ADAMDEC1: variants seen among roughly 807,000 people sequenced by gnomAD.
ADAMDEC1 encodes the protein ADAM like decysin 1.
In ADAMDEC1, 62 loss-of-function variants were observed where a neutral mutation model predicts 60.4. That is an observed-to-expected ratio of 1.03 (90% CI 0.84 to 1.27). The LOEUF is 1.27. Ranked by LOEUF, ADAMDEC1 falls within the 50% of genes most tolerant of loss-of-function variation. The pLI, the probability that ADAMDEC1 is intolerant of heterozygous loss-of-function variation, is 0.00. For missense variants in ADAMDEC1, 595 were observed against 565.0 expected (o/e 1.05, Z -0.54); for synonymous variants, 210 against 195.1 (o/e 1.08, Z -0.64).
Position 24,393,354 on chromosome 8 carries a change from T to A in ADAMDEC1, c.284+16T>A, listed in dbSNP as rs746468939. The A allele has an allele frequency of 6.5e-7, 1 of 1,527,070 alleles. No individual in the cohort carries two copies. Among genetic ancestry groups the A allele is most frequent in the Non-Finnish European group, 9.0e-7 (1 of 1,110,322 alleles). 94.6% of individuals were successfully genotyped at this position (1,527,070 alleles called of 1,614,324 possible). On this transcript the variant is annotated intron_variant, in intron 3 of 13. Coordinates refer to ENST00000256412, the MANE Select transcript of ADAMDEC1 (RefSeq NM_014479.3). ...AAAAAACCAAGTAAGTTGTACCTCC[T>A]AAAAGTCTAATCACTGGATTAGGTT...
At chr8:24,398,199 CAT>C (rs778808851) in intron 7 of ADAMDEC1, among the ~76,000 whole-genome samples, 12 of 151,828 alleles carry the variant, frequency 7.9e-5, no homozygotes, top group Non-Finnish European at 1.2e-4. Context: ...ATTTTAATCA[CAT>C]GATTCGGTTT....
chr8:24,384,413 T>G lies in ADAMDEC1; in HGVS notation c.-92T>G. On this transcript the variant is annotated 5_prime_UTR_variant, in exon 1 of 14. Coordinates refer to ENST00000256412, the MANE Select transcript of ADAMDEC1 (RefSeq NM_014479.3). ...CACTCTTAAGAAACATTCCCCAATC[T>G]CACACGAAAAGTGGGGGTTTTAATT... is the stretch of plus-strand genomic sequence containing the variant. 9.6e-7 allele frequency: 1 copy of G among 1,044,396 alleles called. No homozygotes were observed. 64.7% of individuals were successfully genotyped at this position (1,044,396 alleles called of 1,614,324 possible).
At chr8:24,389,263 C>G (rs888833400) in intron 1 of ADAMDEC1, among the ~76,000 whole-genome samples, 1 of 152,090 alleles carries the variant, frequency 6.6e-6, no homozygotes, top group Admixed American at 6.6e-5. Context: ...CTTCCTTCAC[C>G]TTTCCTCAAG....
At chr8:24,403,952 T>G in intron 12 of ADAMDEC1, 51 bp from the exon 13 acceptor site, 1 of 1,485,774 alleles carries the variant, frequency 6.7e-7, no homozygotes. Flanking sequence ...ACCTAGTCTA[T>G]GGGAAGAAAA....
intron 10 of ADAMDEC1, 97 bp from the exon 11 acceptor site, chr8:24,400,073 A>G: frequency 9.9e-7 from 1 of 1,007,198 alleles, no homozygotes; most frequent in East Asian, 2.7e-5. Flanking sequence ...GGAGCTAACA[A>G]TTCACTAGTT....
intron 2 of ADAMDEC1, among the ~76,000 whole-genome samples, chr8:24,392,656 G>C (rs983699405): frequency 8.5e-5 from 13 of 152,114 alleles, no homozygotes; most frequent in South Asian, 4.1e-4. Context: ...GCCCGGGAAG[G>C]TCGGCCATCT....
rs187537865 is a variant in ADAMDEC1, at chr8:24,397,327, C to T, written c.498C>T (p.Asp166=). The T allele has an allele frequency of 1.1e-4, 182 of 1,614,000 alleles. 1 individual carries two copies. The East Asian group carries it at 3.3e-3, about 29-fold the overall frequency. ...AGATAAAACCTCTGAAAAGCACAGA[C>T]GAGAAAGAACATGCCGTCTTTACAT... ...RYQIKPLKST[D]EKEHAVFTSN... Residue 166 remains aspartate, a synonymous_variant, in exon 6 of 14, where the codon GAC becomes GAT. Coordinates refer to ENST00000256412, the MANE Select transcript of ADAMDEC1 (RefSeq NM_014479.3).
chr8:24,400,651 ATT>A (rs1236670089), intron 11 of ADAMDEC1, among the ~76,000 whole-genome samples: 1 of 148,622 alleles, frequency 6.7e-6, no homozygotes, highest in East Asian at 2.0e-4. Context: ...ATATATATAT[ATT>A]ATACTTTAAG....
At chr8:24,399,260 T>C (rs1817697949) in intron 9 of ADAMDEC1, 133 bp from the exon 10 acceptor site, 11 of 1,053,718 alleles carry the variant, frequency 1.0e-5, no homozygotes, top group South Asian at 2.8e-5. Flanking sequence ...CACTAAGGAA[T>C]AGTAGAAGTT....
At chr8:24,396,364 T>C (rs573121682) in intron 5 of ADAMDEC1, among the ~76,000 whole-genome samples, 3 of 150,186 alleles carry the variant, frequency 2.0e-5, no homozygotes, top group Non-Finnish European at 4.4e-5. Flanking sequence ...CAAAAAAAAA[T>C]AGCCGAGTGT....
chr8:24,403,307 C>A (rs1038749864), intron 12 of ADAMDEC1, among the ~76,000 whole-genome samples: 9 of 151,444 alleles, frequency 5.9e-5, no homozygotes, highest in Non-Finnish European at 1.2e-4. Flanking sequence ...TTGAGTAATC[C>A]AATTTCTCAT....
intron 1 of ADAMDEC1, among the ~76,000 whole-genome samples, chr8:24,386,587 T>C (rs1484854961): frequency 1.3e-5 from 2 of 152,166 alleles, no homozygotes; most frequent in Non-Finnish European, 2.9e-5. Context: ...CTGACCTATC[T>C]GTGCTGGCTT....
rs1817460007 is a variant in ADAMDEC1, at chr8:24,392,126, TCA to T, written c.89-135_89-134del. 1.2e-4 allele frequency: 62 copies of T among 517,640 alleles called. 1 individual carries two copies. The South Asian group carries it at 2.5e-3, about 21-fold the overall frequency. The allele number at this position is 517,640 out of a possible 1,614,324, so 32.1% of individuals were successfully genotyped here. A position where few individuals can be genotyped will look rare whatever the true frequency, so the allele number is the denominator to read the frequency against. On this transcript the variant is annotated intron_variant, in intron 1 of 13. Coordinates refer to ENST00000256412, the MANE Select transcript of ADAMDEC1 (RefSeq NM_014479.3). ...TGAAGAACGACAATTAACTTGTTAT[TCA>T]TAATGTTTGCTCTCTACATAGGAAT...
At chr8:24,393,453 C>G in intron 3 of ADAMDEC1, 115 bp downstream of exon 3, 1 of 632,452 alleles carries the variant, frequency 1.6e-6, no homozygotes, top group Non-Finnish European at 2.7e-6. Flanking sequence ...GCATTTTGAG[C>G]TTTAGATGAT....
intron 10 of ADAMDEC1, 63 bp downstream of exon 10, chr8:24,399,537 C>A (rs1010742616): frequency 3.9e-6 from 5 of 1,292,544 alleles, no homozygotes; most frequent in Admixed American, 3.4e-5. Flanking sequence ...CAGCATAACA[C>A]CTTATATAGA....
chr8:24,389,418 C>A (rs1817380254), intron 1 of ADAMDEC1, among the ~76,000 whole-genome samples: 1 of 152,270 alleles, frequency 6.6e-6, no homozygotes, highest in Non-Finnish European at 1.5e-5. Flanking sequence ...CCACACCTCA[C>A]TGCTTCCACT....
intron 1 of ADAMDEC1, chr8:24,390,287 A>ACTACATTTGATTTTTC: frequency 1.3e-6 from 1 of 770,658 alleles, no homozygotes; most frequent in Non-Finnish European, 1.7e-6. Context: ...GTGAAAAATC[A>ACTACATTTGATTTTTC]AATGTAGTGA....
At chr8:24,396,009 G>C (rs1256363388) in intron 5 of ADAMDEC1, among the ~76,000 whole-genome samples, 2 of 152,174 alleles carry the variant, frequency 1.3e-5, no homozygotes, top group Admixed American at 1.3e-4. Flanking sequence ...TGTAAAACAA[G>C]AATGCTACAC....
In ADAMDEC1 at chr8:24,399,003, C is replaced by G; in HGVS notation, c.892C>G (p.Leu298Val). The change falls in exon 9 of 14, where the codon CTG (leucine) becomes GTG (valine). Residue 298 changes from leucine to valine, a missense_variant. Coordinates refer to ENST00000256412, the MANE Select transcript of ADAMDEC1 (RefSeq NM_014479.3). ...CTTCCTGAGATGGCACAGTTCTAAC[C>G]TGGGGAAAAAGATCCACGACCATGC... ...DNFLRWHSSN[L>V]GKKIHDHAQL... is the part of the protein sequence containing the mutation. 6.2e-7 allele frequency: 1 copy of G among 1,613,612 alleles called. No homozygotes were observed. The highest frequency in any genetic ancestry group is 8.5e-7 in the Non-Finnish European group (1 of 1,179,750).
Sources: allele counts gnomAD v4.1 joint callset (sites outside exome capture counted in the v4.1 genomes callset), GRCh38; gene constraint gnomAD v4.1.1; transcripts MANE v1.5; gene names NCBI Gene and HGNC (gene_info 2026-07-23, HGNC 2026-07-21).